ZNF385D: variants seen among roughly 807,000 people sequenced by gnomAD.
ZNF385D encodes the protein zinc finger protein 385D, also known as zinc finger protein 659.
ZNF385D carries 15 observed loss-of-function variants against 35.8 expected under a neutral mutation model. The ratio of observed to expected loss-of-function variants is 0.42; its 90% CI spans 0.28 to 0.64. The LOEUF is 0.64. Ranked by LOEUF, ZNF385D falls within the 30% of genes least tolerant of loss-of-function variation. The probability of loss-of-function intolerance (pLI) is 0.23; values close to 1 mark genes in which losing one functional copy is unlikely to be tolerated. For missense variants in ZNF385D, 474 were observed against 494.6 expected (o/e 0.96, Z 0.39); for synonymous variants, 212 against 186.8 (o/e 1.13, Z -1.10).
At chr3:21,648,379 A>G (rs1018916980) in intron 2 of ZNF385D, among the ~76,000 whole-genome samples, 2 of 152,152 alleles carry the variant, frequency 1.3e-5, no homozygotes, top group African/African-American at 4.8e-5. Context: ...CTGAGAATCA[A>G]TTAAACCTCT....
At chr3:22,156,916 C>T (rs1480300233) in intron 3 of ZNF385D, among the ~76,000 whole-genome samples, 3 of 152,150 alleles carry the variant, frequency 2.0e-5, no homozygotes, top group Admixed American at 2.0e-4. Context: ...TAAACAGCTT[C>T]TCAAAGATAA....
At chr3:21,454,705 T>C (rs574446060) in intron 4 of ZNF385D, among the ~76,000 whole-genome samples, 74 of 152,174 alleles carry the variant, frequency 4.9e-4, no homozygotes, top group African/African-American at 1.7e-3. Context: ...CTCTCACCAC[T>C]CCTATTCAAC....
chr3:21,721,282 C>T (rs1277439464), intron 1 of ZNF385D, among the ~76,000 whole-genome samples: 1 of 151,832 alleles, frequency 6.6e-6, no homozygotes, highest in African/African-American at 2.4e-5. Context: ...TCAGGTAGAA[C>T]GCTGAAGCAG....
In ZNF385D at chr3:21,646,892, G is replaced by A. The variant is rs1380312437; in HGVS notation, c.165+17994C>T. ...TCTCTGTCTGATGCTAAGGCTCAATGAAATCAAGGCCAGACAGAATTGAGG... is the reference window on the plus strand; with the variant it reads ...TCTCTGTCTGATGCTAAGGCTCAATAAAATCAAGGCCAGACAGAATTGAGG... On this transcript the variant is annotated intron_variant, in intron 2 of 7. Transcript: ENST00000281523. This position sits in a 1 kb window ranked among gnomAD's most constrained non-coding sequence, Gnocchi z 4.3. Among the ~76,000 whole-genome samples the A allele has an allele frequency of 3.9e-5, 6 of 152,276 alleles. No individual in the cohort carries two copies. The South Asian group carries it at 1.0e-3, about 26-fold the overall frequency.
chr3:22,248,887 A>G (rs1699925398), intron 2 of ZNF385D, among the ~76,000 whole-genome samples: 1 of 152,152 alleles, frequency 6.6e-6, no homozygotes, highest in Non-Finnish European at 1.5e-5. Context: ...AAGCCTGTGC[A>G]TATTTTTCTT....
chr3:21,708,546 A>G (rs2067988404), intron 1 of ZNF385D, among the ~76,000 whole-genome samples: 1 of 152,200 alleles, frequency 6.6e-6, no homozygotes, highest in Admixed American at 6.5e-5. Flanking sequence ...TCCTCACCCA[A>G]GTCCCAAAAT....
chr3:22,130,997 A>T (rs1164726636), intron 3 of ZNF385D, among the ~76,000 whole-genome samples: 1 of 152,172 alleles, frequency 6.6e-6, no homozygotes, highest in Non-Finnish European at 1.5e-5. Flanking sequence ...GCTAAAAAAA[A>T]ATATTGAGAA....
chr3:22,150,223 C>T (rs1027238915), intron 3 of ZNF385D, among the ~76,000 whole-genome samples: 1 of 152,072 alleles, frequency 6.6e-6, no homozygotes, highest in Admixed American at 6.6e-5. Flanking sequence ...TCTTAATGTC[C>T]ATATTTCCAA....
rs17009084 is a variant in ZNF385D, at chr3:21,585,179, A to G, written c.166-20495T>C. On this transcript the variant is annotated intron_variant, in intron 2 of 7. Coordinates refer to ENST00000281523, the MANE Select transcript of ZNF385D (RefSeq NM_024697.3). The stretch of plus-strand genomic sequence containing the variant: ...AATACCTGACATCAATAAAGTTTGC[A>G]GGTAAAGGATTATTGTTGCTCATAT... 5.2e-3 allele frequency among the ~76,000 whole-genome samples: 799 copies of G among 152,312 alleles called. 6 individuals carry two copies. Among genetic ancestry groups the G allele is most frequent in the African/African-American group, 0.018 (756 of 41,570 alleles).
intron 3 of ZNF385D, among the ~76,000 whole-genome samples, chr3:22,050,628 T>C (rs1699292461): frequency 6.6e-6 from 1 of 152,214 alleles, no homozygotes. Context: ...AATGTAACTT[T>C]TGATGAAATC....
chr3:21,691,671 A>G (rs550187552), intron 1 of ZNF385D, among the ~76,000 whole-genome samples: 1 of 152,250 alleles, frequency 6.6e-6, no homozygotes, highest in African/African-American at 2.4e-5. Flanking sequence ...CATTATTTGT[A>G]TTCACTGATC....
At chr3:22,184,250 C>T (rs1695477791) in intron 2 of ZNF385D, among the ~76,000 whole-genome samples, 1 of 152,038 alleles carries the variant, frequency 6.6e-6, no homozygotes, top group Non-Finnish European at 1.5e-5. Context: ...AAATCCTGGC[C>T]CACTTGGAAA....
chr3:22,143,221 T>C (rs62248890), intron 3 of ZNF385D, among the ~76,000 whole-genome samples: 6,675 of 151,974 alleles, frequency 0.044, 185 homozygotes, highest in Middle Eastern at 0.058. Context: ...TAGCAGCGAC[T>C]ACAGGCGCCC....
At chr3:21,687,772 A>G (rs73042125) in intron 1 of ZNF385D, among the ~76,000 whole-genome samples, 55 of 152,346 alleles carry the variant, frequency 3.6e-4, no homozygotes, top group Non-Finnish European at 7.3e-4. Flanking sequence ...AATAAATATA[A>G]AAAGAAAAAA....
chr3:22,061,055 G>C (rs150666953), intron 3 of ZNF385D, among the ~76,000 whole-genome samples: 1 of 151,966 alleles, frequency 6.6e-6, no homozygotes, highest in African/African-American at 2.4e-5. Context: ...CATTCTCTGA[G>C]GGCAGTATTA....
intron 3 of ZNF385D, among the ~76,000 whole-genome samples, chr3:22,013,576 C>T (rs1402899635): frequency 2.6e-5 from 4 of 152,152 alleles, no homozygotes; most frequent in Non-Finnish European, 4.4e-5. Flanking sequence ...GATAACACCA[C>T]TGGTGCAGGC....
intron 3 of ZNF385D, among the ~76,000 whole-genome samples, chr3:21,982,780 G>C (rs1694552551): frequency 6.6e-6 from 1 of 151,198 alleles, no homozygotes; most frequent in African/African-American, 2.4e-5. Context: ...TTTATTTAGA[G>C]TTGTTAACAT....
At chr3:21,739,070 G>A (rs531870935) in intron 1 of ZNF385D, among the ~76,000 whole-genome samples, 45 of 152,302 alleles carry the variant, frequency 3.0e-4, no homozygotes, top group South Asian at 1.0e-3. Flanking sequence ...GAAGCGTATG[G>A]CATTTGACAG....
intron 3 of ZNF385D, among the ~76,000 whole-genome samples, chr3:21,814,954 G>C (rs1202848291): frequency 6.6e-6 from 1 of 152,076 alleles, no homozygotes; most frequent in East Asian, 1.9e-4. Flanking sequence ...CTCAGCAAAT[G>C]TAAAAAAACA....
Sources: allele counts gnomAD v4.1 joint callset (sites outside exome capture counted in the v4.1 genomes callset), GRCh38; gene constraint gnomAD v4.1.1; non-coding constraint Gnocchi (gnomAD v3.1); transcripts MANE v1.5; gene names NCBI Gene and HGNC (gene_info 2026-07-23, HGNC 2026-07-21).